Variants in SMG6 observed in about 807,000 individuals in gnomAD.
SMG6 encodes SMG6 nonsense mediated mRNA decay factor.
SMG6 carries 66 observed loss-of-function variants against 142.2 expected under a neutral mutation model. The ratio of observed to expected loss-of-function variants is 0.46; its 90% CI spans 0.38 to 0.57. SMG6 has a LOEUF of 0.57. SMG6 is among the 20% of genes least tolerant of loss of function. The probability of loss-of-function intolerance (pLI) is 0.00; values close to 1 mark genes in which losing one functional copy is unlikely to be tolerated. For synonymous variants in SMG6, 779 were observed against 702.4 expected (o/e 1.11, Z -1.72); for missense variants, 1,793 against 1,832.0 (o/e 0.98, Z 0.39).
intron 6 of SMG6, among the ~76,000 whole-genome samples, chr17:2,287,365 A>G (rs2074930364): frequency 6.6e-6 from 1 of 152,214 alleles, no homozygotes; most frequent in Non-Finnish European, 1.5e-5. Context: ...CACCACCACT[A>G]CGATGGCTAC....
At chr17:2,103,877 T>A (rs985367402) in intron 13 of SMG6, among the ~76,000 whole-genome samples, 5 of 152,012 alleles carry the variant, frequency 3.3e-5, no homozygotes, top group African/African-American at 7.2e-5. Context: ...CGTCTCAAGA[T>A]TAGTCTGCCA....
At position 2,068,098 on chromosome 17, in the gene SMG6, A is replaced by T. The variant is rs892062467; in HGVS notation, c.3835+680T>A. Among the ~76,000 whole-genome samples the T allele has an allele frequency of 2.6e-5, 4 of 152,196 alleles. No homozygotes were observed. Among genetic ancestry groups the T allele is most frequent in the Non-Finnish European group, 4.4e-5 (3 of 68,030 alleles). On this transcript the variant is annotated intron_variant, in intron 16 of 18. Coordinates refer to ENST00000263073, the MANE Select transcript of SMG6 (RefSeq NM_017575.5). The surrounding 1 kb of genome is among the most constrained non-coding windows in gnomAD (Gnocchi z 6.7). ...ACCCACCACAGAGCTCCAAGAACTAAGGGTACCCAGACGGTCCCGTGGAGA... is the reference window on the plus strand; with the variant it reads ...ACCCACCACAGAGCTCCAAGAACTATGGGTACCCAGACGGTCCCGTGGAGA...
In SMG6 at chr17:2,059,950, C is replaced by T. The variant is rs1218321738; in HGVS notation, c.*1542G>A. The T allele has an allele frequency of 6.5e-6, 1 of 152,726 alleles. No individual in the cohort carries two copies. The highest frequency in any genetic ancestry group is 6.5e-5 in the Admixed American group (1 of 15,284). The allele number at this position is 152,726 out of a possible 1,614,324, so 9.5% of individuals were successfully genotyped here. A position where few individuals can be genotyped will look rare whatever the true frequency, so the allele number is the denominator to read the frequency against. ...GACCACCCAGTCATCGGCCTTCCAG[C>T]TGGGGAGAGAATCTTAAAGGAGAGG... is the stretch of plus-strand genomic sequence containing the variant. On this transcript the variant is annotated 3_prime_UTR_variant, in exon 19 of 19. Coordinates refer to ENST00000263073, the MANE Select transcript of SMG6 (RefSeq NM_017575.5).
At chr17:2,249,232 C>T (rs536178531) in intron 8 of SMG6, among the ~76,000 whole-genome samples, 2 of 151,952 alleles carry the variant, frequency 1.3e-5, no homozygotes, top group African/African-American at 2.4e-5. Context: ...AACCTTAGTC[C>T]GAGCTTCCTT....
intron 13 of SMG6, among the ~76,000 whole-genome samples, chr17:2,096,752 GGCACACAAGA>G (rs748510345): frequency 8.9e-5 from 13 of 145,508 alleles, no homozygotes; most frequent in Non-Finnish European, 1.8e-4. Flanking sequence ...AGACATCCTG[GGCACACAAGA>G]CAAGACAAGA....
At chr17:2,112,494 C>CA (rs2069361569) in intron 13 of SMG6, among the ~76,000 whole-genome samples, 1 of 148,638 alleles carries the variant, frequency 6.7e-6, no homozygotes, top group African/African-American at 2.5e-5. Context: ...GGTGACTGAG[C>CA]AAGACTCTGT....
At chr17:2,173,176 C>T in intron 12 of SMG6, 1 of 358,214 alleles carries the variant, frequency 2.8e-6, no homozygotes, top group African/African-American at 2.1e-5. Context: ...GCCTGAGACG[C>T]TTACTCAAAC....
chr17:2,131,560 A>G (rs988485163), intron 13 of SMG6, among the ~76,000 whole-genome samples: 2 of 152,166 alleles, frequency 1.3e-5, no homozygotes, highest in Admixed American at 6.5e-5. Context: ...GGTCTCCCAA[A>G]ATGCTGGGGG....
intron 8 of SMG6, among the ~76,000 whole-genome samples, chr17:2,271,105 G>GT (rs1229941356): frequency 1.4e-5 from 2 of 144,212 alleles, no homozygotes; most frequent in East Asian, 2.1e-4. Flanking sequence ...TTGTTCTTCT[G>GT]TTTTTTTCTG....
rs1474264432 is a variant in SMG6, at chr17:2,239,483, G to GT, written c.2724-2847dup. ...GGAACATGCACACAATTGAATACTA[G>GT]TTTTTTTAAGTTGTATTACATTTTT... On this transcript the variant is annotated intron_variant, in intron 9 of 18. Transcript: ENST00000263073. Among the ~76,000 whole-genome samples, 4 of 152,140 alleles carry GT rather than the reference G, an allele frequency of 2.6e-5. No individual in the cohort carries two copies. In the South Asian group the frequency reaches 8.3e-4, roughly 32 times the overall value.
intron 8 of SMG6, among the ~76,000 whole-genome samples, chr17:2,273,986 G>C (rs2074596153): frequency 6.6e-6 from 1 of 152,186 alleles, no homozygotes; most frequent in Non-Finnish European, 1.5e-5. Context: ...AGAATCAACT[G>C]TTTACTGTAT....
chr17:2,177,298 T>C (rs980779025), intron 12 of SMG6, among the ~76,000 whole-genome samples: 1 of 152,186 alleles, frequency 6.6e-6, no homozygotes, highest in African/African-American at 2.4e-5. Flanking sequence ...ATCTACCTTC[T>C]TGCCCAGAAC....
chr17:2,157,880 C>A (rs750706977), intron 13 of SMG6, among the ~76,000 whole-genome samples: 2 of 152,144 alleles, frequency 1.3e-5, no homozygotes, highest in Non-Finnish European at 2.9e-5. Flanking sequence ...GCAATGGCGA[C>A]AAGAAGCTGA....
At chr17:2,097,398 A>T (rs2068885312) in intron 13 of SMG6, among the ~76,000 whole-genome samples, 1 of 152,014 alleles carries the variant, frequency 6.6e-6, no homozygotes, top group African/African-American at 2.4e-5. Flanking sequence ...CGCCTCCCAA[A>T]GTGCTGGGAT....
chr17:2,246,700 C>T (rs1235824860), intron 8 of SMG6, among the ~76,000 whole-genome samples: 1 of 152,310 alleles, frequency 6.6e-6, no homozygotes, highest in Non-Finnish European at 1.5e-5. Flanking sequence ...AATCCCAGCA[C>T]TTTGGGAGGC....
rs748667934 is a variant in SMG6 at position 2,299,188 on chromosome 17, T to C, written c.1565A>G (p.Tyr522Cys). The C allele has an allele frequency of 3.1e-5, 50 of 1,613,364 alleles. No homozygotes were observed. In the Admixed American group the frequency reaches 7.8e-4, roughly 25 times the overall value. ...GTACTGTAGAGGGTTATAGCCCGTA[T>C]AGGGATACTGGGAGGCAGGGCCTGG... The part of the protein sequence containing the change: ...RTPGPASQYP[Y>C]TGYNPLQYPV... The change falls in exon 2 of 19, where the codon TAT (tyrosine) becomes TGT (cysteine). Residue 522 changes from tyrosine (Y) to cysteine (C), a missense_variant. By Grantham distance (194) the Tyr-to-Cys change is radical (BLOSUM62 -2). Around this residue, in one of 3 missense-constraint regions of SMG6, gnomAD observed 1,597 missense variants for 1,584.6 expected, o/e 1.01. Coordinates refer to ENST00000263073, the MANE Select transcript of SMG6 (RefSeq NM_017575.5). The surrounding 1 kb of genome is among the most constrained non-coding windows in gnomAD (Gnocchi z 4.3).
At chr17:2,256,641 G>A (rs182850464) in intron 8 of SMG6, among the ~76,000 whole-genome samples, 4 of 152,262 alleles carry the variant, frequency 2.6e-5, no homozygotes, top group Non-Finnish European at 5.9e-5. Flanking sequence ...CACGCATGGT[G>A]GCGCACACCT....
At chr17:2,163,899 C>T (rs2071254890) in intron 13 of SMG6, among the ~76,000 whole-genome samples, 2 of 151,868 alleles carry the variant, frequency 1.3e-5, no homozygotes, top group African/African-American at 4.8e-5. Context: ...CTCATCTCCA[C>T]TAAAAATACA....
intron 12 of SMG6, among the ~76,000 whole-genome samples, chr17:2,182,180 CG>C (rs1405945462): frequency 6.6e-6 from 1 of 152,170 alleles, no homozygotes; most frequent in East Asian, 1.9e-4. Context: ...TTGGCATTTT[CG>C]TTCCAAAACT....
Sources: gnomAD v4.1 joint callset for allele counts (sites outside exome capture counted in the v4.1 genomes callset) on GRCh38, gnomAD v4.1.1 for gene constraint, gnomAD v4.1.1 regional missense constraint, Gnocchi (gnomAD v3.1) non-coding constraint, MANE v1.5 for transcripts, NCBI Gene and HGNC (gene_info 2026-07-23, HGNC 2026-07-21) for gene names.